The following TSHR variants were observed in gnomAD, a reference collection of about 807,000 sequenced individuals.
TSHR encodes the protein thyroid stimulating hormone receptor.
In TSHR, 51 loss-of-function variants were observed where a neutral mutation model predicts 64.1. That is an observed-to-expected ratio of 0.80 (90% CI 0.64 to 1.01). TSHR has a LOEUF of 1.01. TSHR is among the 50% of genes least tolerant of loss of function. The pLI is 0.00. For synonymous variants in TSHR, 361 were observed against 361.9 expected (o/e 1.00, Z 0.03); for missense variants, 877 against 942.8 (o/e 0.93, Z 0.91).
chr14:81,040,784 C>G (rs1884881956), intron 1 of TSHR, among the ~76,000 whole-genome samples: 1 of 152,064 alleles, frequency 6.6e-6, no homozygotes, highest in Non-Finnish European at 1.5e-5. Context: ...GGTCTAATAT[C>G]CAGCATCTAT....
At position 81,143,841 on chromosome 14, in the gene TSHR, G is replaced by A. The variant is rs142632518; in HGVS notation, c.1783G>A (p.Val595Ile). The A allele has an allele frequency of 1.4e-4, 226 of 1,613,684 alleles. No homozygotes were observed. In the African/African-American group the frequency reaches 2.1e-3, roughly 15 times the overall value. The change falls in exon 10 of 10, where the codon GTC becomes ATC. Residue 595 changes from valine (V) to isoleucine (I), a missense_variant. Physicochemically the swap from Val to Ile is conservative, Grantham distance 29. Coordinates refer to ENST00000298171, the MANE Select transcript of TSHR (RefSeq NM_000369.5). The part of the protein sequence containing the change: ...FVLTLNIVAF[V>I]IVCCCYVKIY... ...TCTGACGCTCAACATAGTTGCCTTCGTCATCGTCTGCTGCTGTTATGTGAA... is the reference window on the plus strand; with the variant it reads ...TCTGACGCTCAACATAGTTGCCTTCATCATCGTCTGCTGCTGTTATGTGAA...
chr14:81,142,907 G>C (rs890141591), intron 9 of TSHR, 33 bp from the exon 10 acceptor site: 6 of 1,602,918 alleles, frequency 3.7e-6, no homozygotes, highest in Non-Finnish European at 5.1e-6. Context: ...ACTGCGCCCA[G>C]CCTGGCACTG....
intron 1 of TSHR, among the ~76,000 whole-genome samples, chr14:80,966,027 A>G (rs1169159739): frequency 6.6e-6 from 1 of 152,174 alleles, no homozygotes; most frequent in Non-Finnish European, 1.5e-5. Context: ...TTTTTCTTTC[A>G]GAAAACATGA....
Position 81,011,374 on chromosome 14 carries a change from G to T in TSHR, c.171-50774G>T, listed in dbSNP as rs142982217. Among the ~76,000 whole-genome samples the T allele has an allele frequency of 5.7e-3, 873 of 152,028 alleles. 10 individuals carry two copies. The highest frequency in any genetic ancestry group is 0.027 in the South Asian group (131 of 4,810). Reference sequence around the variant, plus strand: ...ATTCAGTTATTAGTTGTCTGTTCAGGCTTTGCTATTTCTATTTTGGTCATT... The same window carrying T: ...ATTCAGTTATTAGTTGTCTGTTCAGTCTTTGCTATTTCTATTTTGGTCATT... On this transcript the variant is annotated intron_variant, in intron 1 of 9. Coordinates refer to ENST00000298171, the MANE Select transcript of TSHR (RefSeq NM_000369.5).
intron 8 of TSHR, among the ~76,000 whole-genome samples, chr14:81,129,257 G>A (rs55695536): frequency 0.07 from 10,584 of 152,002 alleles, 493 homozygotes; most frequent in African/African-American, 0.13. Context: ...TCAATTTTTT[G>A]GTTCTGCCAG....
At chr14:81,098,300 C>G (rs979294086) in intron 7 of TSHR, among the ~76,000 whole-genome samples, 1 of 152,180 alleles carries the variant, frequency 6.6e-6, no homozygotes, top group African/African-American at 2.4e-5. Context: ...TGCTTTCCTT[C>G]TTTGGAGATA....
intron 8 of TSHR, among the ~76,000 whole-genome samples, chr14:81,121,339 A>G (rs1448768102): frequency 6.6e-6 from 1 of 152,230 alleles, no homozygotes; most frequent in Non-Finnish European, 1.5e-5. Context: ...GAAGAAGACC[A>G]TAGATAGAAT....
At chr14:81,035,926 A>T (rs1884601707) in intron 1 of TSHR, among the ~76,000 whole-genome samples, 1 of 152,216 alleles carries the variant, frequency 6.6e-6, no homozygotes, top group Non-Finnish European at 1.5e-5. Context: ...GAGCTGAAAA[A>T]TTTAACCAAT....
intron 1 of TSHR, among the ~76,000 whole-genome samples, chr14:80,985,479 C>T (rs1044959349): frequency 6.6e-6 from 1 of 152,204 alleles, no homozygotes; most frequent in African/African-American, 2.4e-5. Context: ...TTCAACAATA[C>T]AAAACAGCAA....
At chr14:80,965,814 TGGC>T (rs1208266589) in intron 1 of TSHR, among the ~76,000 whole-genome samples, 1 of 152,222 alleles carries the variant, frequency 6.6e-6, no homozygotes, top group Non-Finnish European at 1.5e-5. Context: ...ATTACAAAGT[TGGC>T]ACTTGTGATT....
At chr14:81,035,521 A>G (rs1413729527) in intron 1 of TSHR, among the ~76,000 whole-genome samples, 1 of 152,172 alleles carries the variant, frequency 6.6e-6, no homozygotes, top group East Asian at 1.9e-4. Flanking sequence ...CTGCCATGTA[A>G]CAGCATACTT....
chr14:81,047,793 C>A (rs1469488165), intron 1 of TSHR, among the ~76,000 whole-genome samples: 1 of 151,590 alleles, frequency 6.6e-6, no homozygotes, highest in Non-Finnish European at 1.5e-5. Context: ...ACTACAGGTG[C>A]CCACCACCAT....
At chr14:80,972,935 CAA>C (rs2139704917) in intron 1 of TSHR, among the ~76,000 whole-genome samples, 1 of 152,226 alleles carries the variant, frequency 6.6e-6, no homozygotes, top group East Asian at 1.9e-4. Flanking sequence ...TGTAGGGTGA[CAA>C]AGAGTATGGG....
rs558497034 is a variant in TSHR, at chr14:81,025,232, T to C, written c.171-36916T>C. Among the ~76,000 whole-genome samples the C allele has an allele frequency of 2.0e-5, 3 of 152,344 alleles. No homozygotes were observed. The East Asian group carries it at 5.8e-4, about 29-fold the overall frequency. ...TAGATTTGTATGTATTTTATCATAA[T>C]GTATGATAAAACAGATGAGTATATC... is the stretch of plus-strand genomic sequence containing the variant. On this transcript the variant is annotated intron_variant, in intron 1 of 9. Transcript: ENST00000298171.
At chr14:81,114,051 A>G (rs1474302568) in intron 8 of TSHR, among the ~76,000 whole-genome samples, 2 of 152,066 alleles carry the variant, frequency 1.3e-5, no homozygotes, top group African/African-American at 4.8e-5. Context: ...CCACTCACTC[A>G]ACTCATAGAA....
intron 3 of TSHR, among the ~76,000 whole-genome samples, chr14:81,081,937 C>G (rs1370758381): frequency 6.6e-6 from 1 of 151,856 alleles, no homozygotes; most frequent in East Asian, 1.9e-4. Context: ...TGACTGCCTT[C>G]CATTTTTTTG....
chr14:81,105,804 C>G (rs576385607), intron 7 of TSHR, among the ~76,000 whole-genome samples: 1 of 152,326 alleles, frequency 6.6e-6, no homozygotes, highest in East Asian at 1.9e-4. Flanking sequence ...TTCACCGGCT[C>G]TTACTTGATT....
chr14:80,968,807 T>C (rs929845094), intron 1 of TSHR, among the ~76,000 whole-genome samples: 3 of 152,238 alleles, frequency 2.0e-5, no homozygotes, highest in African/African-American at 4.8e-5. Flanking sequence ...TAGCTTCTCA[T>C]GGTAAAGAGG....
At chr14:81,112,967 G>A (rs1281052666) in intron 8 of TSHR, among the ~76,000 whole-genome samples, 1 of 152,196 alleles carries the variant, frequency 6.6e-6, no homozygotes, top group African/African-American at 2.4e-5. Flanking sequence ...GATGGTCTTA[G>A]AGGCCATCAT....
Sources: gnomAD v4.1 joint callset for allele counts (sites outside exome capture counted in the v4.1 genomes callset) on GRCh38, gnomAD v4.1.1 for gene constraint, MANE v1.5 for transcripts, NCBI Gene and HGNC (gene_info 2026-07-23, HGNC 2026-07-21) for gene names.